LONP2: variants seen among roughly 807,000 people sequenced by gnomAD.
LONP2 encodes lon protease homolog 2, peroxisomal.
In LONP2, 60 loss-of-function variants were observed where a neutral mutation model predicts 85.6. That is an observed-to-expected ratio of 0.70 (90% CI 0.57 to 0.87). LONP2 has a LOEUF of 0.87. LONP2 is among the 40% of genes least tolerant of loss of function. The probability of loss-of-function intolerance (pLI) is 0.00; values close to 1 mark genes in which losing one functional copy is unlikely to be tolerated. For missense variants in LONP2, 860 were observed against 1,063.5 expected (o/e 0.81, Z 2.66); for synonymous variants, 395 against 389.7 (o/e 1.01, Z -0.16).
chr16:48,334,338 C>A lies in LONP2; in HGVS notation c.1918C>A (p.Pro640Thr). Reference protein sequence around the residue: ...DFHALKDILGPPMYEMEVSQR... With the variant: ...DFHALKDILGTPMYEMEVSQR... ...CCATGCTCTGAAAGACATCCTTGGG[C>A]CCCCGATGTATGAAATGGAGGTGAT... Residue 640 changes from proline (P) to threonine (T), a missense_variant, in exon 12 of 15, where the codon CCC becomes ACC. Coordinates refer to ENST00000285737, the MANE Select transcript of LONP2 (RefSeq NM_031490.5). The A allele has an allele frequency of 6.2e-7, 1 of 1,614,134 alleles. No individual in the cohort carries two copies. Among genetic ancestry groups the A allele is most frequent in the Middle Eastern group, 1.6e-4 (1 of 6,062 alleles).
intron 12 of LONP2, among the ~76,000 whole-genome samples, chr16:48,341,414 CAGAGCAGG>C (rs755216903): frequency 1.3e-4 from 20 of 152,242 alleles, no homozygotes; most frequent in Non-Finnish European, 2.4e-4. Flanking sequence ...GTCATGTGGC[CAGAGCAGG>C]AGCAAGAGTG....
chr16:48,334,379 C>A (rs763012519), intron 12 of LONP2, 21 bp downstream of exon 12: 2 of 1,613,954 alleles, frequency 1.2e-6, no homozygotes, highest in Admixed American at 1.7e-5. Flanking sequence ...CTTTTTATTT[C>A]TTTTTGCTCC....
downstream of LONP2, chr16:48,360,609 CAAAT>C (rs777071703): frequency 2.6e-5 from 4 of 152,550 alleles, no homozygotes; most frequent in Non-Finnish European, 5.9e-5. Flanking sequence ...CCTTTTTAAA[CAAAT>C]GATTTGCTTT....
chr16:48,251,960 G>A (rs1203479839), intron 1 of LONP2, among the ~76,000 whole-genome samples, 171 bp from the exon 2 acceptor site: 1 of 152,214 alleles, frequency 6.6e-6, no homozygotes, highest in East Asian at 1.9e-4. Context: ...GCTGAGGGTA[G>A]TGGCAGAAGA....
chr16:48,290,947 C>A (rs1843899802), intron 8 of LONP2, among the ~76,000 whole-genome samples: 1 of 152,186 alleles, frequency 6.6e-6, no homozygotes, highest in African/African-American at 2.4e-5. Flanking sequence ...GGACTGCCAG[C>A]CACCAGTCAA....
intron 8 of LONP2, among the ~76,000 whole-genome samples, chr16:48,277,819 T>A (rs937127208): frequency 5.3e-5 from 8 of 151,824 alleles, no homozygotes; most frequent in Admixed American, 6.6e-5. Context: ...TGCCTTCTTC[T>A]GCACTTTGAC....
chr16:48,329,703 C>T (rs1398673610), intron 11 of LONP2, among the ~76,000 whole-genome samples: 1 of 152,150 alleles, frequency 6.6e-6, no homozygotes, highest in Non-Finnish European at 1.5e-5. Context: ...GTAAAAATCA[C>T]CCTGTGTGAA....
Position 48,258,645 on chromosome 16 carries a change from C to A in LONP2, c.628C>A (p.Arg210=), listed in dbSNP as rs1347947736. The A allele has an allele frequency of 6.2e-7, 1 of 1,602,530 alleles. No individual in the cohort carries two copies. The highest frequency in any genetic ancestry group is 8.5e-7 in the Non-Finnish European group (1 of 1,175,222). ...TTTAGATGCTGTGAGCCTAGAGGAG[C>A]GGTTCAAGATGACTATACCACTGCT... The part of the protein sequence containing the change: ...QILDAVSLEE[R]FKMTIPLLVR... Residue 210 remains arginine, a synonymous_variant, in exon 4 of 15, where the codon CGG becomes AGG. Coordinates refer to ENST00000285737, the MANE Select transcript of LONP2 (RefSeq NM_031490.5).
chr16:48,324,815 T>A (rs1973335854), intron 11 of LONP2, among the ~76,000 whole-genome samples: 1 of 152,198 alleles, frequency 6.6e-6, no homozygotes, highest in South Asian at 2.1e-4. Context: ...AATTGCTACA[T>A]AATATACATA....
In LONP2 at chr16:48,347,713, T is replaced by TC. The variant is rs1960013910; in HGVS notation, c.2145_2146insC (p.Ala716ArgfsTer6). 6.2e-7 allele frequency: 1 copy of TC among 1,611,890 alleles called. No individual in the cohort carries two copies. Among genetic ancestry groups the TC allele is most frequent in the African/African-American group, 1.3e-5 (1 of 74,894 alleles). ...ACGCAAAGAAGTACCAGCTGACCAA[T>TC]GGTAGGAGCCTGCACCCGGCCAGGC... is the stretch of plus-strand genomic sequence containing the variant. On this transcript the variant is annotated frameshift_variant and splice_region_variant, in exon 13 of 15. Transcript: ENST00000285737. LOFTEE classifies it high-confidence loss of function.
In LONP2 at chr16:48,270,017, C is replaced by A; in HGVS notation, c.984C>A (p.Asp328Glu). The change falls in exon 7 of 15, where the codon GAC becomes GAA. Residue 328 changes from aspartate to glutamate, a missense_variant and splice_region_variant. By Grantham distance (45) the Asp-to-Glu change is conservative. Around this residue, in one of 3 missense-constraint regions of LONP2, gnomAD observed 743 missense variants for 917.3 expected, o/e 0.81. Transcript: ENST00000285737. ...VELPWNKSTTDRLDIRAARIL... is the reference protein window; with the variant it reads ...VELPWNKSTTERLDIRAARIL... ...TATTTCTGTTGGGTTATTTGACAGA[C>A]CGCCTGGACATTAGGGCAGCCCGGA... 6.2e-7 allele frequency: 1 copy of A among 1,611,774 alleles called. No homozygotes were observed. Among genetic ancestry groups the A allele is most frequent in the Non-Finnish European group, 8.5e-7 (1 of 1,179,016 alleles).
chr16:48,258,506 T>C (rs955293885), intron 3 of LONP2, 112 bp from the exon 4 acceptor site: 2 of 1,046,230 alleles, frequency 1.9e-6, no homozygotes, highest in Non-Finnish European at 2.7e-6. Context: ...TAGCTTTGAA[T>C]ACTGTTAATA....
chr16:48,346,338 G>A (rs1959963614), intron 12 of LONP2, among the ~76,000 whole-genome samples: 1 of 152,168 alleles, frequency 6.6e-6, no homozygotes, highest in Non-Finnish European at 1.5e-5. Flanking sequence ...CTCAAAGGGT[G>A]TAATGAGAGT....
chr16:48,357,872 T>C (rs1015052753), downstream of LONP2, among the ~76,000 whole-genome samples: 4 of 152,176 alleles, frequency 2.6e-5, no homozygotes, highest in Non-Finnish European at 5.9e-5. Context: ...AAGGAAAAAC[T>C]GTTCCCCAAA....
At chr16:48,327,490 C>T (rs1312231736) in intron 11 of LONP2, among the ~76,000 whole-genome samples, 1 of 152,096 alleles carries the variant, frequency 6.6e-6, no homozygotes, top group African/African-American at 2.4e-5. Flanking sequence ...TGGAATCTCA[C>T]GTTGTCGCCC....
intron 12 of LONP2, among the ~76,000 whole-genome samples, chr16:48,337,447 C>T (rs1959685300): frequency 6.6e-6 from 1 of 152,206 alleles, no homozygotes; most frequent in African/African-American, 2.4e-5. Context: ...ATCATTTAAT[C>T]CTCAGTCATG....
At chr16:48,281,027 A>G (rs1470156916) in intron 8 of LONP2, among the ~76,000 whole-genome samples, 1 of 152,192 alleles carries the variant, frequency 6.6e-6, no homozygotes, top group African/African-American at 2.4e-5. Context: ...TTGGAGACCC[A>G]AGTATAGTTT....
At chr16:48,302,877 T>A (rs2151001564) in intron 10 of LONP2, among the ~76,000 whole-genome samples, 1 of 152,364 alleles carries the variant, frequency 6.6e-6, no homozygotes, top group East Asian at 1.9e-4. Flanking sequence ...TGGTTTTTTA[T>A]ATGCTGCCAA....
chr16:48,293,307 A>C (rs1409568355), intron 8 of LONP2, among the ~76,000 whole-genome samples: 4 of 152,160 alleles, frequency 2.6e-5, no homozygotes, highest in African/African-American at 4.8e-5. Flanking sequence ...GGGCGCCTGT[A>C]GTCCCAGCTA....
Sources: allele counts gnomAD v4.1 joint callset (sites outside exome capture counted in the v4.1 genomes callset), GRCh38; gene constraint gnomAD v4.1.1; regional missense constraint gnomAD v4.1.1; transcripts MANE v1.5; gene names NCBI Gene and HGNC (gene_info 2026-07-23, HGNC 2026-07-21).